Variants in FHAD1 observed in about 807,000 individuals in gnomAD.
FHAD1 encodes the protein forkhead-associated domain-containing protein 1.
Under a neutral mutation model 191.3 loss-of-function variants are expected in FHAD1, and 146 were observed. That is an observed-to-expected ratio of 0.76 (90% CI 0.67 to 0.88). FHAD1 has a LOEUF of 0.88. FHAD1 is among the 40% of genes least tolerant of loss of function. The probability of loss-of-function intolerance (pLI) is 0.00; values close to 1 mark genes in which losing one functional copy is unlikely to be tolerated. For missense variants in FHAD1, 1,635 were observed against 1,785.8 expected, an observed-to-expected ratio of 0.92 and a Z score of 1.52; for synonymous variants, 616 against 672.3, an observed-to-expected ratio of 0.92 and a Z score of 1.29.
chr1:15,352,972 C>T lies in FHAD1; in HGVS notation c.2550C>T (p.Thr850=). ...TGCAAGACCTGGAGAATCGCTTAACCAAGCAGAAAGAGGTATGAGCCGCAG... is the reference window on the plus strand; with the variant it reads ...TGCAAGACCTGGAGAATCGCTTAACTAAGCAGAAAGAGGTATGAGCCGCAG... ...KKVQDLENRL[T]KQKEELELKE... is the part of the protein sequence containing the mutation. The change falls in exon 20 of 34, where the codon ACC becomes ACT. Residue 850 remains threonine (T), a synonymous_variant. Transcript: ENST00000688493. 6.4e-7 allele frequency: 1 copy of T among 1,550,818 alleles called. No homozygotes were observed. The highest frequency in any genetic ancestry group is 8.7e-7 in the Non-Finnish European group (1 of 1,146,630).
Position 15,380,765 on chromosome 1 carries a change from T to C in FHAD1, c.3770T>C (p.Val1257Ala), listed in dbSNP as rs546754199. The C allele has an allele frequency of 1.2e-5, 19 of 1,551,772 alleles. No individual in the cohort carries two copies. Among genetic ancestry groups the C allele is most frequent in the East Asian group, 2.4e-5 (1 of 40,924 alleles). ...SAMEKSGKMD[V>A]AEALELSEKL... Reference sequence around the variant, plus strand: ...ATGGAGAAGTCAGGGAAGATGGATGTGGCTGAGGCTTTAGAGCTCAGTGAA... The same window carrying C: ...ATGGAGAAGTCAGGGAAGATGGATGCGGCTGAGGCTTTAGAGCTCAGTGAA... Residue 1257 changes from valine to alanine, a missense_variant, in exon 29 of 34, where the codon GTG (valine) becomes GCG (alanine). By Grantham distance (64) the Val-to-Ala change is moderately conservative. Transcript: ENST00000688493.
At chr1:15,320,486 C>CT (rs1024349089) in intron 10 of FHAD1, among the ~76,000 whole-genome samples, 4 of 151,950 alleles carry the variant, frequency 2.6e-5, no homozygotes, top group Non-Finnish European at 5.9e-5. Context: ...TTGTCTGTTT[C>CT]TTTTTTTAAT....
At chr1:15,308,843 T>A in intron 7 of FHAD1, 107 bp downstream of exon 7, 1 of 1,491,340 alleles carries the variant, frequency 6.7e-7, no homozygotes, top group Non-Finnish European at 9.0e-7. Context: ...TGAACTTGGC[T>A]GCAGCCTCAG....
chr1:15,241,456 TC>T (rs1431007870), intron 1 of FHAD1, among the ~76,000 whole-genome samples: 1 of 151,928 alleles, frequency 6.6e-6, no homozygotes, highest in Non-Finnish European at 1.5e-5. Context: ...GAGTTCGACT[TC>T]CGGACCAACA....
At chr1:15,259,811 C>T (rs1292329626) in intron 2 of FHAD1, among the ~76,000 whole-genome samples, 1 of 152,108 alleles carries the variant, frequency 6.6e-6, no homozygotes, top group Non-Finnish European at 1.5e-5. Flanking sequence ...TCAGAGCAGA[C>T]CAAGCTGGAG....
At chr1:15,294,589 C>T (rs1008858549) in intron 4 of FHAD1, among the ~76,000 whole-genome samples, 1 of 152,114 alleles carries the variant, frequency 6.6e-6, no homozygotes, top group African/African-American at 2.4e-5. Context: ...GTTGGAGTTT[C>T]GCCATGTTGG....
At chr1:15,313,452 G>A (rs1388824855) in intron 8 of FHAD1, among the ~76,000 whole-genome samples, 1 of 152,156 alleles carries the variant, frequency 6.6e-6, no homozygotes, top group Non-Finnish European at 1.5e-5. Context: ...GAATAAGCAA[G>A]ATGTAGCTTC....
intron 2 of FHAD1, among the ~76,000 whole-genome samples, chr1:15,255,237 A>G (rs1647435860): frequency 6.6e-6 from 1 of 152,186 alleles, no homozygotes; most frequent in Non-Finnish European, 1.5e-5. Context: ...ATTTATTAAT[A>G]TATTCATTTG....
intron 31 of FHAD1, chr1:15,383,997 CATGTGTGT>C (rs766172834): frequency 3.1e-6 from 1 of 327,604 alleles, no homozygotes; most frequent in Non-Finnish European, 6.3e-6. Context: ...TGTACATTCT[CATGTGTGT>C]GTGTGTGTGC....
At chr1:15,390,592 G>A (rs1226399458) in intron 32 of FHAD1, among the ~76,000 whole-genome samples, 1 of 152,098 alleles carries the variant, frequency 6.6e-6, no homozygotes, top group African/African-American at 2.4e-5. Context: ...TCTGAGAGGG[G>A]GGCCCAGCTC....
rs1672283515 is a variant in FHAD1 at position 15,311,564 on chromosome 1, C to T, written c.1040-1493C>T. On this transcript the variant is annotated intron_variant, in intron 7 of 33. Coordinates refer to ENST00000688493, the MANE Select transcript of FHAD1 (RefSeq NM_001391957.1). This position sits in a 1 kb window ranked among gnomAD's most constrained non-coding sequence, Gnocchi z 4.1. ...GTTTCTAAGGAACTTAACTGTGTCC[C>T]CGGACGAAGCTCATTTTTACAATGA... 6.6e-6 allele frequency among the ~76,000 whole-genome samples: 1 copy of T among 152,136 alleles called. No individual in the cohort carries two copies. The highest frequency in any genetic ancestry group is 6.5e-5 in the Admixed American group (1 of 15,272).
At chr1:15,256,704 C>T (rs1181402259) in intron 2 of FHAD1, among the ~76,000 whole-genome samples, 1 of 150,652 alleles carries the variant, frequency 6.6e-6, no homozygotes, top group Admixed American at 6.6e-5. Flanking sequence ...CTTAGGACCT[C>T]ACCCTGCCCT....
chr1:15,304,491 T>G (rs1669798500), intron 6 of FHAD1, among the ~76,000 whole-genome samples: 1 of 152,210 alleles, frequency 6.6e-6, no homozygotes, highest in African/African-American at 2.4e-5. Context: ...GTCTGGGGGA[T>G]GTATTTTCCC....
intron 14 of FHAD1, among the ~76,000 whole-genome samples, chr1:15,331,294 A>G (rs1427962762): frequency 6.6e-6 from 1 of 151,832 alleles, no homozygotes; most frequent in East Asian, 1.9e-4. Flanking sequence ...CCCAGAGAGC[A>G]TGTGCCACAC....
chr1:15,303,685 C>A lies in FHAD1; in HGVS notation c.915+2244C>A, dbSNP rs149092651. Among the ~76,000 whole-genome samples, 1,112 of 152,102 alleles carry A rather than the reference C, an allele frequency of 7.3e-3. 15 individuals carry two copies. The highest frequency in any genetic ancestry group is 0.026 in the African/African-American group (1,075 of 41,488). On this transcript the variant is annotated intron_variant, in intron 6 of 33. Coordinates refer to ENST00000688493, the MANE Select transcript of FHAD1 (RefSeq NM_001391957.1). ...GCCAACATGGCGAAACCCGTCTCTA[C>A]TAAAAATACAAAAGTTAGCCAAGCG...
At chr1:15,326,510 T>C (rs1678648581) in intron 11 of FHAD1, 1 of 152,226 alleles carries the variant, frequency 6.6e-6, no homozygotes, top group African/African-American at 2.4e-5. Flanking sequence ...CAAAGGTTAG[T>C]TGGGTGTCTG....
At chr1:15,365,356 A>G (rs571392256) in intron 23 of FHAD1, among the ~76,000 whole-genome samples, 11 of 149,586 alleles carry the variant, frequency 7.4e-5, no homozygotes, top group Admixed American at 6.7e-4. Context: ...TTTTTTTCTT[A>G]GAGATGGGTT....
chr1:15,296,237 C>T (rs986347835), intron 4 of FHAD1, among the ~76,000 whole-genome samples: 1 of 151,560 alleles, frequency 6.6e-6, no homozygotes, highest in Non-Finnish European at 1.5e-5. Flanking sequence ...AGTGAACACA[C>T]ACACCACTTT....
intron 31 of FHAD1, among the ~76,000 whole-genome samples, chr1:15,386,041 C>T (rs1475782804): frequency 1.3e-5 from 2 of 152,220 alleles, no homozygotes; most frequent in African/African-American, 4.8e-5. Context: ...AAGAGGCAGA[C>T]TTGGAGTCCA....
Sources: allele counts gnomAD v4.1 joint callset (sites outside exome capture counted in the v4.1 genomes callset), GRCh38; gene constraint gnomAD v4.1.1; non-coding constraint Gnocchi (gnomAD v3.1); transcripts MANE v1.5; gene names NCBI Gene and HGNC (gene_info 2026-07-23, HGNC 2026-07-21).